ARRB1: variants seen among roughly 807,000 people sequenced by gnomAD.
ARRB1 encodes the protein beta-arrestin-1.
A neutral mutation model predicts 56.8 loss-of-function variants in ARRB1; 21 were observed. The observed-to-expected ratio is 0.37, with a 90% CI of 0.26 to 0.53. The LOEUF is 0.53. Ranked by LOEUF, ARRB1 falls within the 20% of genes least tolerant of loss-of-function variation. The probability of loss-of-function intolerance (pLI) is 0.88; values close to 1 mark genes in which losing one functional copy is unlikely to be tolerated. For synonymous variants in ARRB1, 210 were observed against 218.6 expected, an observed-to-expected ratio of 0.96 and a Z score of 0.35; for missense variants, 424 against 553.7, an observed-to-expected ratio of 0.77 and a Z score of 2.35.
chr11:75,336,652 C>G (rs539713874), intron 1 of ARRB1, among the ~76,000 whole-genome samples: 7 of 152,094 alleles, frequency 4.6e-5, no homozygotes, highest in Non-Finnish European at 8.8e-5. Flanking sequence ...GGCTGACGAC[C>G]CTCATGTACT....
intron 1 of ARRB1, among the ~76,000 whole-genome samples, chr11:75,336,969 A>G (rs998770229): frequency 2.0e-5 from 3 of 152,262 alleles, no homozygotes; most frequent in African/African-American, 7.2e-5. Flanking sequence ...AGTTTCCAGC[A>G]TGAACATTAT....
At chr11:75,275,573 A>G (rs900530975) in intron 10 of ARRB1, among the ~76,000 whole-genome samples, 18 of 152,200 alleles carry the variant, frequency 1.2e-4, no homozygotes, top group African/African-American at 4.3e-4. Context: ...CATCCATCAT[A>G]TATAGGGTGT....
rs1352634664 is a variant in ARRB1 at position 75,260,268 on chromosome 11, G to C, written c.*5895C>G. 1 of 152,182 alleles carries C rather than the reference G, an allele frequency of 6.6e-6. No homozygotes were observed. Among genetic ancestry groups the C allele is most frequent in the Non-Finnish European group, 1.5e-5 (1 of 68,044 alleles). 9.4% of individuals were successfully genotyped at this position (152,182 alleles called of 1,614,324 possible). ...AACCTGGCAGGTGGTCCAGGAATGA[G>C]AGTGTCACAAAATAATCACTCAACA... On this transcript the variant is annotated 3_prime_UTR_variant, in exon 16 of 16. Transcript: ENST00000420843.
At chr11:75,336,464 G>A (rs1947604369) in intron 1 of ARRB1, among the ~76,000 whole-genome samples, 1 of 152,060 alleles carries the variant, frequency 6.6e-6, no homozygotes, top group Admixed American at 6.6e-5. Context: ...TGCTTGCCCT[G>A]GCCTGTTCAA....
intron 1 of ARRB1, among the ~76,000 whole-genome samples, chr11:75,315,641 G>C (rs2140488725): frequency 6.6e-6 from 1 of 152,268 alleles, no homozygotes. Flanking sequence ...CTCTCCTAGA[G>C]AGTGGTTTTC....
chr11:75,333,400 GTGTAT>G, intron 1 of ARRB1, among the ~76,000 whole-genome samples: 1 of 152,218 alleles, frequency 6.6e-6, no homozygotes, highest in Admixed American at 6.5e-5. Context: ...CCAGTTCAGG[GTGTAT>G]TGAAGGCATT....
chr11:75,335,356 G>A (rs764622068), intron 1 of ARRB1, among the ~76,000 whole-genome samples: 1 of 152,144 alleles, frequency 6.6e-6, no homozygotes, highest in Admixed American at 6.5e-5. Context: ...AGGCTGAGAC[G>A]GGAGGATTGC....
At chr11:75,269,304 C>T (rs1274682797) in intron 13 of ARRB1, 1 of 443,542 alleles carries the variant, frequency 2.3e-6, no homozygotes, top group African/African-American at 2.0e-5. Flanking sequence ...TGGGACCCCC[C>T]CCCACCTCAA....
intron 8 of ARRB1, 139 bp from the exon 9 acceptor site, chr11:75,277,587 T>C (rs779714099): frequency 1.4e-6 from 1 of 733,444 alleles, no homozygotes; most frequent in Non-Finnish European, 2.3e-6. Context: ...GCTGCTCCCA[T>C]CTGAAGTCCA....
chr11:75,305,144 A>G (rs1308715166), intron 1 of ARRB1, among the ~76,000 whole-genome samples: 1 of 146,432 alleles, frequency 6.8e-6, no homozygotes, highest in Non-Finnish European at 1.5e-5. Flanking sequence ...AATTCTCGTG[A>G]CTCAGCCTCC....
At chr11:75,269,233 G>T (rs1162529520) in intron 13 of ARRB1, 2 of 681,032 alleles carry the variant, frequency 2.9e-6, no homozygotes, top group Admixed American at 1.8e-5. Flanking sequence ...AGGCCCAGGG[G>T]TGGGAAAGGA....
intron 3 of ARRB1, among the ~76,000 whole-genome samples, chr11:75,286,391 C>T (rs1173933047): frequency 1.3e-5 from 2 of 151,454 alleles, no homozygotes; most frequent in African/African-American, 4.9e-5. Flanking sequence ...CCTCACCCAC[C>T]CCAGTAGCAG....
intron 3 of ARRB1, among the ~76,000 whole-genome samples, chr11:75,286,910 G>A (rs903712318): frequency 1.3e-5 from 2 of 152,054 alleles, no homozygotes; most frequent in African/African-American, 2.4e-5. Flanking sequence ...GGTTTGAACC[G>A]GGCTCCTCTA....
rs937442631 is a variant in ARRB1, at chr11:75,263,378, C to A, written c.*2785G>T. 6.6e-6 allele frequency among the ~76,000 whole-genome samples: 1 copy of A among 152,226 alleles called. No individual in the cohort carries two copies. Among genetic ancestry groups the A allele is most frequent in the Non-Finnish European group, 1.5e-5 (1 of 68,038 alleles). The stretch of plus-strand genomic sequence containing the variant: ...GCCTGTGTGTCCCTCGAGGCTGCAG[C>A]GTATGGCCGTGCAGCAGGGCACCTC... On this transcript the variant is annotated 3_prime_UTR_variant, in exon 16 of 16. Coordinates refer to ENST00000420843, the MANE Select transcript of ARRB1 (RefSeq NM_004041.5).
At position 75,277,412 on chromosome 11, in the gene ARRB1, G is replaced by C; in HGVS notation, c.655C>G (p.His219Asp). The C allele has an allele frequency of 1.2e-6, 2 of 1,614,206 alleles. No homozygotes were observed. The highest frequency in any genetic ancestry group is 4.5e-5 in the East Asian group (2 of 44,886). The part of the protein sequence containing the change: ...YHGEPISVNV[H>D]VTNNTNKTVK... ...GTCTTGTTGGTGTTGTTGGTGACGT[G>C]GACGTTGACGCTGATGGGTTCTCCA... Residue 219 changes from histidine to aspartate, a missense_variant, in exon 9 of 16, where the codon CAC (histidine) becomes GAC (aspartate). Coordinates refer to ENST00000420843, the MANE Select transcript of ARRB1 (RefSeq NM_004041.5).
In ARRB1 at chr11:75,260,804, G is replaced by A. The variant is rs1454444659; in HGVS notation, c.*5359C>T. ...GTCCAGTTCTCACTAAAGTGTCCAG[G>A]ATTCCTGGGGGAATCCTGCCCTCAA... is the stretch of plus-strand genomic sequence containing the variant. On this transcript the variant is annotated 3_prime_UTR_variant, in exon 16 of 16. Coordinates refer to ENST00000420843, the MANE Select transcript of ARRB1 (RefSeq NM_004041.5). The A allele has an allele frequency of 6.6e-6, 1 of 152,170 alleles. No individual in the cohort carries two copies. Among genetic ancestry groups the A allele is most frequent in the African/African-American group, 2.4e-5 (1 of 41,438 alleles). The allele number at this position is 152,170 out of a possible 1,614,324, so 9.4% of individuals were successfully genotyped here.
At chr11:75,294,603 A>G (rs938009477) in intron 1 of ARRB1, among the ~76,000 whole-genome samples, 1 of 31,734 alleles carries the variant, frequency 3.2e-5, no homozygotes, top group Non-Finnish European at 6.3e-5. Flanking sequence ...ATAAATAAAT[A>G]AATAACTTAA....
In ARRB1 at chr11:75,263,687, A is replaced by T. The variant is rs1365432936; in HGVS notation, c.*2476T>A. On this transcript the variant is annotated 3_prime_UTR_variant, in exon 16 of 16. Transcript: ENST00000420843. ...AGCTGAGTCATCAGCAAAGGATGGT[A>T]GGCTGAATTCAACTAAATTTGGCCA... 6.6e-6 allele frequency among the ~76,000 whole-genome samples: 1 copy of T among 151,670 alleles called. No individual in the cohort carries two copies. Among genetic ancestry groups the T allele is most frequent in the Admixed American group, 6.6e-5 (1 of 15,214 alleles).
intron 1 of ARRB1, among the ~76,000 whole-genome samples, chr11:75,328,132 T>G (rs1156505815): frequency 6.6e-6 from 1 of 152,194 alleles, no homozygotes; most frequent in Non-Finnish European, 1.5e-5. Context: ...CAACTACCAG[T>G]GTCTGCTTTC....
Sources: allele counts gnomAD v4.1 joint callset (sites outside exome capture counted in the v4.1 genomes callset), GRCh38; gene constraint gnomAD v4.1.1; transcripts MANE v1.5; gene names NCBI Gene and HGNC (gene_info 2026-07-23, HGNC 2026-07-21).